MAP7: variants seen among roughly 807,000 people sequenced by gnomAD.
MAP7 encodes ensconsin.
MAP7 carries 52 observed loss-of-function variants against 94.8 expected under a neutral mutation model. That is an observed-to-expected ratio of 0.55 (90% CI 0.44 to 0.69). The LOEUF (loss-of-function observed/expected upper bound fraction) is 0.69, where lower values mean the gene tolerates loss of function less well. Among genes scored for constraint, MAP7 ranks in the 30% least tolerant of loss-of-function variants. The pLI is 0.00. For synonymous variants in MAP7, 350 were observed against 357.0 expected, an observed-to-expected ratio of 0.98 and a Z score of 0.22; for missense variants, 940 against 964.6, an observed-to-expected ratio of 0.97 and a Z score of 0.34.
chr6:136,372,971 T>C (rs1426818887), intron 7 of MAP7, among the ~76,000 whole-genome samples: 1 of 152,152 alleles, frequency 6.6e-6, no homozygotes, highest in African/African-American at 2.4e-5. Context: ...TATTAGCTGA[T>C]GGTTCTGGAA....
At chr6:136,549,439 A>T (rs1194028178) in intron 1 of MAP7, among the ~76,000 whole-genome samples, 1 of 152,140 alleles carries the variant, frequency 6.6e-6, no homozygotes, top group East Asian at 1.9e-4. Context: ...GAGAAAAAAA[A>T]ATCACGAGGG....
At chr6:136,411,597 C>T (rs757906156) in intron 3 of MAP7, 23 bp downstream of exon 3, 4 of 1,551,478 alleles carry the variant, frequency 2.6e-6, no homozygotes, top group South Asian at 2.4e-5. Flanking sequence ...AAATCAGGGC[C>T]ATGGACACGG....
At chr6:136,387,356 A>G (rs946473874) in intron 5 of MAP7, among the ~76,000 whole-genome samples, 37 of 152,368 alleles carry the variant, frequency 2.4e-4, no homozygotes, top group African/African-American at 8.7e-4. Flanking sequence ...AATAAAAAAC[A>G]TAAATAGAAA....
intron 1 of MAP7, among the ~76,000 whole-genome samples, chr6:136,521,934 T>G (rs1162718528): frequency 6.6e-6 from 1 of 152,192 alleles, no homozygotes; most frequent in East Asian, 1.9e-4. Context: ...TTGCATTATT[T>G]GTACACATTT....
chr6:136,394,931 C>T (rs1182600661), intron 3 of MAP7, among the ~76,000 whole-genome samples: 3 of 27,500 alleles, frequency 1.1e-4, no homozygotes, highest in Non-Finnish European at 1.8e-4. Context: ...AATATTCCAT[C>T]ATATATATAT....
At chr6:136,473,548 TA>T (rs1809791322) in intron 1 of MAP7, among the ~76,000 whole-genome samples, 1 of 152,220 alleles carries the variant, frequency 6.6e-6, no homozygotes, top group Non-Finnish European at 1.5e-5. Flanking sequence ...ATCTTCCATG[TA>T]AAAAGTATGT....
intron 7 of MAP7, among the ~76,000 whole-genome samples, chr6:136,376,999 A>G (rs1189143387): frequency 6.6e-6 from 1 of 152,076 alleles, no homozygotes. Flanking sequence ...ACCTAAATCA[A>G]CTCACCAGGA....
intron 1 of MAP7, among the ~76,000 whole-genome samples, chr6:136,478,348 C>A (rs996852751): frequency 1.3e-5 from 2 of 151,890 alleles, no homozygotes; most frequent in African/African-American, 2.4e-5. Flanking sequence ...TTTCGGAGGC[C>A]AAGGTGGGAG....
chr6:136,385,862 C>T (rs1405886395), intron 5 of MAP7, among the ~76,000 whole-genome samples: 1 of 152,202 alleles, frequency 6.6e-6, no homozygotes, highest in East Asian at 1.9e-4. Flanking sequence ...CCTCCATCTC[C>T]TGGGCTCAAG....
chr6:136,363,989 A>C (rs906786063), intron 10 of MAP7: 1 of 227,626 alleles, frequency 4.4e-6, no homozygotes, highest in Non-Finnish European at 8.7e-6. Flanking sequence ...TGGTTTAAAA[A>C]TATTTCCAGT....
chr6:136,358,112 A>C (rs1014881835), intron 15 of MAP7, among the ~76,000 whole-genome samples: 1 of 152,232 alleles, frequency 6.6e-6, no homozygotes, highest in African/African-American at 2.4e-5. Context: ...GTTTTAACTC[A>C]AATCAAATTT....
intron 8 of MAP7, among the ~76,000 whole-genome samples, chr6:136,367,034 G>A (rs1794525468): frequency 6.6e-6 from 1 of 152,130 alleles, no homozygotes; most frequent in Non-Finnish European, 1.5e-5. Context: ...GAAAAGTCAG[G>A]TTTAAAGTGA....
chr6:136,540,381 G>A (rs183204698), intron 1 of MAP7, among the ~76,000 whole-genome samples: 3 of 152,212 alleles, frequency 2.0e-5, no homozygotes, highest in Admixed American at 6.5e-5. Context: ...AACCTTTCCT[G>A]GTTTTAAGGG....
intron 3 of MAP7, among the ~76,000 whole-genome samples, chr6:136,402,671 C>T (rs1419901712): frequency 6.6e-6 from 1 of 152,154 alleles, no homozygotes; most frequent in East Asian, 1.9e-4. Flanking sequence ...CTTTGGGAGG[C>T]CGAGGCCGGC....
intron 1 of MAP7, among the ~76,000 whole-genome samples, chr6:136,537,457 T>G (rs947479572): frequency 6.6e-6 from 1 of 152,250 alleles, no homozygotes; most frequent in Non-Finnish European, 1.5e-5. Flanking sequence ...CTTGTATTTT[T>G]TCTCTATCTG....
At chr6:136,474,491 C>T (rs986248059) in intron 1 of MAP7, among the ~76,000 whole-genome samples, 1 of 152,080 alleles carries the variant, frequency 6.6e-6, no homozygotes, top group African/African-American at 2.4e-5. Flanking sequence ...GTGCCAACAG[C>T]GTTTTTTAAT....
chr6:136,500,117 A>G (rs1819429250), intron 1 of MAP7, among the ~76,000 whole-genome samples: 1 of 152,204 alleles, frequency 6.6e-6, no homozygotes, highest in Non-Finnish European at 1.5e-5. Context: ...AACCTCTTTG[A>G]GTTTCAATTT....
chr6:136,372,759 G>T, intron 7 of MAP7, 134 bp from the exon 8 acceptor site: 1 of 1,100,340 alleles, frequency 9.1e-7, no homozygotes, highest in Admixed American at 2.0e-5. Context: ...AGAAAAGTAG[G>T]AAGAAGATGT....
rs568411461 is a variant in MAP7 at position 136,510,749 on chromosome 6, C to A, written c.67+39593G>T. On this transcript the variant is annotated intron_variant, in intron 1 of 17. Transcript: ENST00000354570. The stretch of plus-strand genomic sequence containing the variant: ...GCTATATTTTATTATTGTTATTAAT[C>A]TCTGTGTCTAATTTATAAATTAAAC... Among the ~76,000 whole-genome samples, 11 of 152,142 alleles carry A rather than the reference C, an allele frequency of 7.2e-5. No homozygotes were observed. In the South Asian group the frequency reaches 2.3e-3, roughly 32 times the overall value.
Sources: allele counts gnomAD v4.1 joint callset (sites outside exome capture counted in the v4.1 genomes callset), GRCh38; gene constraint gnomAD v4.1.1; transcripts MANE v1.5; gene names NCBI Gene and HGNC (gene_info 2026-07-23, HGNC 2026-07-21).